Variants in PTPRT observed in about 807,000 individuals in gnomAD.
PTPRT encodes receptor-type tyrosine-protein phosphatase T.
A neutral mutation model predicts 176.8 loss-of-function variants in PTPRT; 56 were observed. That is an observed-to-expected ratio of 0.32 (90% CI 0.26 to 0.40). The LOEUF (loss-of-function observed/expected upper bound fraction) is 0.40. PTPRT is among the 10% of genes least tolerant of loss of function. The pLI is 1.00. For missense variants in PTPRT, 1,540 were observed against 1,908.2 expected, an observed-to-expected ratio of 0.81 and a Z score of 3.60; for synonymous variants, 783 against 739.0, an observed-to-expected ratio of 1.06 and a Z score of -0.96.
chr20:42,704,671 C>T (rs1045677086), intron 6 of PTPRT, among the ~76,000 whole-genome samples: 2 of 152,102 alleles, frequency 1.3e-5, no homozygotes, highest in African/African-American at 4.8e-5. Context: ...ACAAAACAAA[C>T]CCTCATGCCT....
chr20:42,803,377 T>G (rs1385632547), intron 2 of PTPRT, among the ~76,000 whole-genome samples: 1 of 152,172 alleles, frequency 6.6e-6, no homozygotes, highest in South Asian at 2.1e-4. Context: ...AACCACTTTT[T>G]TTCCCCAGAC....
intron 1 of PTPRT, among the ~76,000 whole-genome samples, chr20:43,048,496 G>A (rs1469600455): frequency 6.6e-6 from 1 of 151,946 alleles, no homozygotes; most frequent in Non-Finnish European, 1.5e-5. Flanking sequence ...AGGTTCAGGG[G>A]GCCCACCTAG....
chr20:42,886,604 T>C (rs1348150785), intron 1 of PTPRT, among the ~76,000 whole-genome samples: 1 of 152,230 alleles, frequency 6.6e-6, no homozygotes, highest in African/African-American at 2.4e-5. Flanking sequence ...TGGAAGATAA[T>C]AAAGTCAATG....
chr20:42,043,898 A>G, the PTPRT span, among the ~76,000 whole-genome samples: 4 of 152,352 alleles, frequency 2.6e-5, no homozygotes, highest in East Asian at 7.7e-4. Flanking sequence ...AGAGTGAGAC[A>G]AGTGAGAGAC....
intron 27 of PTPRT, among the ~76,000 whole-genome samples, chr20:42,089,912 G>T (rs1984429749): frequency 6.6e-6 from 1 of 152,204 alleles, no homozygotes; most frequent in South Asian, 2.1e-4. Context: ...CTGTGGTTTA[G>T]CTCAAGACTG....
chr20:42,161,395 T>C lies in PTPRT; in HGVS notation c.2639A>G (p.Gln880Arg). Residue 880 changes from glutamine (Q) to arginine (R), a missense_variant, in exon 17 of 31, where the codon CAG becomes CGG. Transcript: ENST00000373187. ...RVADLLQHIT[Q>R]MKRGQGYGFK... Reference sequence around the variant, plus strand: ...CCCGTAGCCCTGGCCTCTCTTCATCTGCGTGATGTGCTGCAGCAAGTCAGC... The same window carrying C: ...CCCGTAGCCCTGGCCTCTCTTCATCCGCGTGATGTGCTGCAGCAAGTCAGC... The C allele has an allele frequency of 6.2e-7, 1 of 1,614,156 alleles. No homozygotes were observed. The highest frequency in any genetic ancestry group is 8.5e-7 in the Non-Finnish European group (1 of 1,180,030).
chr20:42,902,996 A>C (rs368826550), intron 1 of PTPRT, among the ~76,000 whole-genome samples: 1 of 152,218 alleles, frequency 6.6e-6, no homozygotes, highest in Non-Finnish European at 1.5e-5. Context: ...TGGAGCTCAC[A>C]TACTAGTAGG....
chr20:42,290,033 A>G (rs981112234), intron 12 of PTPRT, among the ~76,000 whole-genome samples: 1 of 152,078 alleles, frequency 6.6e-6, no homozygotes, highest in Non-Finnish European at 1.5e-5. Flanking sequence ...ATTGTCAGCA[A>G]GCAAATCAGG....
intron 16 of PTPRT, among the ~76,000 whole-genome samples, chr20:42,197,025 GA>G (rs138504312): frequency 0.015 from 2,225 of 152,142 alleles, 48 homozygotes; most frequent in African/African-American, 0.052. Flanking sequence ...TTATCATGAT[GA>G]AAAAAATTAG....
chr20:43,125,323 C>A (rs1013667859), intron 1 of PTPRT, among the ~76,000 whole-genome samples: 5 of 152,068 alleles, frequency 3.3e-5, no homozygotes, highest in African/African-American at 9.7e-5. Flanking sequence ...GAACTCTGAC[C>A]TTCCTGGTGC....
At chr20:42,986,376 A>G (rs1182388302) in intron 1 of PTPRT, among the ~76,000 whole-genome samples, 5 of 152,104 alleles carry the variant, frequency 3.3e-5, no homozygotes, top group Non-Finnish European at 7.4e-5. Context: ...CCACCTGTCC[A>G]TTTTAGGACG....
chr20:42,410,479 A>G (rs2059003906), intron 9 of PTPRT, among the ~76,000 whole-genome samples: 1 of 152,200 alleles, frequency 6.6e-6, no homozygotes, highest in African/African-American at 2.4e-5. Context: ...ATCCACAACT[A>G]TATTTGAAAA....
chr20:42,406,187 T>C (rs1427033517), intron 9 of PTPRT, among the ~76,000 whole-genome samples: 1 of 152,052 alleles, frequency 6.6e-6, no homozygotes, highest in Admixed American at 6.6e-5. Flanking sequence ...CTAAAAATAA[T>C]GACATTATTT....
At chr20:42,875,816 C>T (rs986468548) in intron 2 of PTPRT, among the ~76,000 whole-genome samples, 14 of 152,220 alleles carry the variant, frequency 9.2e-5, no homozygotes, top group Middle Eastern at 3.2e-3. Flanking sequence ...CTGCCTCCAC[C>T]ATATGCTAAC....
At chr20:42,681,185 G>T (rs767502220) in intron 6 of PTPRT, among the ~76,000 whole-genome samples, 10 of 152,154 alleles carry the variant, frequency 6.6e-5, no homozygotes, top group African/African-American at 1.9e-4. Flanking sequence ...ATTTATAGCA[G>T]TTCTCTATCT....
intron 1 of PTPRT, among the ~76,000 whole-genome samples, chr20:43,069,185 T>C (rs975575713): frequency 3.3e-5 from 5 of 152,104 alleles, no homozygotes; most frequent in African/African-American, 1.2e-4. Context: ...AAGGCTGAGC[T>C]CCCTTCCCAA....
At chr20:42,083,675 T>G (rs1983586310) in intron 29 of PTPRT, among the ~76,000 whole-genome samples, 1 of 152,198 alleles carries the variant, frequency 6.6e-6, no homozygotes, top group Admixed American at 6.5e-5. Flanking sequence ...GTCAGTCAGA[T>G]GTTATCAGTG....
At chr20:42,616,072 T>A (rs1422028312) in intron 7 of PTPRT, among the ~76,000 whole-genome samples, 2 of 131,462 alleles carry the variant, frequency 1.5e-5, no homozygotes, top group Non-Finnish European at 3.1e-5. Flanking sequence ...TGGTTTTAGG[T>A]CTAACGTTTA....
intron 7 of PTPRT, among the ~76,000 whole-genome samples, chr20:42,511,238 A>G (rs1410434539): frequency 1.3e-5 from 2 of 152,134 alleles, no homozygotes; most frequent in African/African-American, 4.8e-5. Flanking sequence ...GTTTCTTTAT[A>G]AATCACCCAG....
Sources: allele counts gnomAD v4.1 joint callset (sites outside exome capture counted in the v4.1 genomes callset), GRCh38; gene constraint gnomAD v4.1.1; transcripts MANE v1.5; gene names NCBI Gene and HGNC (gene_info 2026-07-23, HGNC 2026-07-21).